Variants in EPB41L5 observed in about 807,000 individuals in gnomAD.
EPB41L5 encodes erythrocyte membrane protein band 4.1 like 5.
A neutral mutation model predicts 106.6 loss-of-function variants in EPB41L5; 55 were observed. The ratio of observed to expected loss-of-function variants is 0.52; its 90% confidence interval spans 0.42 to 0.65. The LOEUF is 0.65. Ranked by LOEUF, EPB41L5 falls within the 30% of genes least tolerant of loss-of-function variation. EPB41L5 has a pLI of 0.00. For missense variants in EPB41L5, 871 were observed against 882.1 expected, an observed-to-expected ratio of 0.99 and a Z score of 0.16; for synonymous variants, 297 against 306.7, an observed-to-expected ratio of 0.97 and a Z score of 0.33.
intron 2 of EPB41L5, among the ~76,000 whole-genome samples, chr2:120,027,592 A>G (rs755028385): frequency 6.6e-5 from 10 of 152,042 alleles, no homozygotes; most frequent in Admixed American, 6.6e-4. Context: ...TTTTTTAGGG[A>G]TGGTGTCTTG....
chr2:120,056,978 C>T (rs1680697771), intron 3 of EPB41L5, among the ~76,000 whole-genome samples: 1 of 152,124 alleles, frequency 6.6e-6, no homozygotes, highest in Non-Finnish European at 1.5e-5. Flanking sequence ...CTCACTGCGG[C>T]CTCAACCTCC....
At chr2:120,020,643 A>G (rs1243040480) in intron 2 of EPB41L5, among the ~76,000 whole-genome samples, 1 of 152,176 alleles carries the variant, frequency 6.6e-6, no homozygotes, top group Non-Finnish European at 1.5e-5. Flanking sequence ...CTTATTTGAT[A>G]GGAATCTTAA....
chr2:120,106,444 TTAAA>T, intron 16 of EPB41L5: 1 of 985,296 alleles, frequency 1.0e-6, no homozygotes, highest in Non-Finnish European at 1.2e-6. Context: ...TCAACCTAAA[TTAAA>T]TAAATTGTCA....
rs527948926 is a variant in EPB41L5, at chr2:120,041,056, A to C, written c.181-950A>C. On this transcript the variant is annotated intron_variant, in intron 2 of 24. Transcript: ENST00000263713. ...CAGTATTAGAAATTAAAACTGAAAA[A>C]ATTTTAAGTATTTATTAACTGATTA... 2.0e-5 allele frequency among the ~76,000 whole-genome samples: 3 copies of C among 152,256 alleles called. No homozygotes were observed. In the South Asian group the frequency reaches 6.2e-4, roughly 32 times the overall value.
intron 16 of EPB41L5, chr2:120,104,692 G>C (rs1684346826): frequency 1.0e-6 from 1 of 977,696 alleles, no homozygotes; most frequent in Non-Finnish European, 1.2e-6. Context: ...TTAAAAACTT[G>C]TTCTTATACA....
At chr2:120,056,658 G>A (rs960648552) in intron 3 of EPB41L5, among the ~76,000 whole-genome samples, 7 of 129,420 alleles carry the variant, frequency 5.4e-5, no homozygotes, top group Admixed American at 2.7e-4. Flanking sequence ...ATATTAGTCT[G>A]TAGTTTTCTT....
intron 16 of EPB41L5, among the ~76,000 whole-genome samples, chr2:120,123,145 GT>G (rs1353606754): frequency 6.6e-6 from 1 of 151,588 alleles, no homozygotes; most frequent in African/African-American, 2.4e-5. Flanking sequence ...TGCAGACAAA[GT>G]TTTGTTTTTT....
At chr2:120,024,537 A>G (rs530514446) in intron 2 of EPB41L5, among the ~76,000 whole-genome samples, 1 of 152,120 alleles carries the variant, frequency 6.6e-6, no homozygotes, top group African/African-American at 2.4e-5. Context: ...GCTCACTGCA[A>G]GCTCTGCCTC....
In EPB41L5 at chr2:120,078,595, A is replaced by G; in HGVS notation, c.803+14A>G. 1 of 1,541,362 alleles carries G rather than the reference A, an allele frequency of 6.5e-7. No homozygotes were observed. Among genetic ancestry groups the G allele is most frequent in the Non-Finnish European group, 8.9e-7 (1 of 1,120,084 alleles). ...CTTATTTTTTTGGTAAGCAAGAGTT[A>G]TTGTCAAAGATACTTACTGTTGTTT... On this transcript the variant is annotated intron_variant, in intron 10 of 24. Coordinates refer to ENST00000263713, the MANE Select transcript of EPB41L5 (RefSeq NM_020909.4).
intron 20 of EPB41L5, among the ~76,000 whole-genome samples, chr2:120,154,151 G>T (rs1347638882): frequency 2.0e-5 from 3 of 146,756 alleles, no homozygotes; most frequent in Non-Finnish European, 3.0e-5. Flanking sequence ...TTCCCTATAT[G>T]TATTTATTTA....
chr2:120,018,977 T>C (rs894811467), intron 1 of EPB41L5, 100 bp from the exon 2 acceptor site: 3 of 1,041,492 alleles, frequency 2.9e-6, no homozygotes, highest in African/African-American at 3.2e-5. Context: ...TTTCTACTAA[T>C]GTTCACAGGA....
intron 20 of EPB41L5, among the ~76,000 whole-genome samples, chr2:120,153,303 A>G (rs1203185213): frequency 2.0e-5 from 3 of 151,940 alleles, no homozygotes; most frequent in African/African-American, 7.3e-5. Context: ...CAGTTTTCCA[A>G]TTAAGTTATT....
rs966846986 is a variant in EPB41L5 at position 120,079,369 on chromosome 2, C to T, written c.803+788C>T. Among the ~76,000 whole-genome samples the T allele has an allele frequency of 1.1e-3, 163 of 152,262 alleles. 1 individual carries two copies. Among genetic ancestry groups the T allele is most frequent in the Non-Finnish European group, 2.2e-4 (15 of 68,006 alleles). On this transcript the variant is annotated intron_variant, in intron 10 of 24. Transcript: ENST00000263713. ...AAGGCAAGCTCTGTAGATTAAAGGA[C>T]CCCAAAACCACTGCTGCCTTTCTGA...
Position 120,143,016 on chromosome 2 carries a change from A to C in EPB41L5, c.1613A>C (p.Lys538Thr), listed in dbSNP as rs1421421654. Residue 538 changes from lysine (K) to threonine (T), a missense_variant, in exon 19 of 25, where the codon AAG becomes ACG. Transcript: ENST00000263713. ...VNINSQEEVV[K>T]LTEKCLNNVI... ...TAAAATATCTAGGAGGAAGTGGTGA[A>C]GTTGACTGAGAAATGCCTTAATAAT... 3.1e-6 allele frequency: 5 copies of C among 1,612,354 alleles called. No homozygotes were observed. The highest frequency in any genetic ancestry group is 1.3e-5 in the African/African-American group (1 of 74,832).
intron 14 of EPB41L5, among the ~76,000 whole-genome samples, 179 bp downstream of exon 14, chr2:120,093,455 G>A (rs1342915051): frequency 2.6e-5 from 4 of 152,198 alleles, no homozygotes; most frequent in African/African-American, 9.7e-5. Flanking sequence ...AAAAATTAAA[G>A]CAGTTTAAGG....
chr2:120,118,120 C>G (rs1243034931), intron 16 of EPB41L5, among the ~76,000 whole-genome samples: 1 of 152,166 alleles, frequency 6.6e-6, no homozygotes, highest in Admixed American at 6.5e-5. Context: ...ATCCTTGCCT[C>G]CAGCACTGTA....
intron 24 of EPB41L5, among the ~76,000 whole-genome samples, chr2:120,170,646 C>T (rs2105570763): frequency 6.6e-6 from 1 of 152,336 alleles, no homozygotes; most frequent in Admixed American, 6.5e-5. Flanking sequence ...ACAGAAATAA[C>T]ATCCTTTTAC....
intron 7 of EPB41L5, among the ~76,000 whole-genome samples, chr2:120,076,248 A>T (rs1456020164): frequency 1.3e-5 from 2 of 152,014 alleles, no homozygotes; most frequent in East Asian, 3.8e-4. Context: ...AAAATTTTGG[A>T]AGACAGGGAC....
Position 120,064,080 on chromosome 2 carries a change from A to G in EPB41L5, c.286-9098A>G, listed in dbSNP as rs184237633. Among the ~76,000 whole-genome samples, 108 of 152,354 alleles carry G rather than the reference A, an allele frequency of 7.1e-4. 1 individual carries two copies. The highest frequency in any genetic ancestry group is 1.4e-3 in the Non-Finnish European group (92 of 68,024). ...TATAATACAGACTGTTAACTCAAAA[A>G]AAGTAGTCACTCAGGAAGTTTATAG... On this transcript the variant is annotated intron_variant, in intron 3 of 24. Coordinates refer to ENST00000263713, the MANE Select transcript of EPB41L5 (RefSeq NM_020909.4).
Sources: allele counts gnomAD v4.1 joint callset (sites outside exome capture counted in the v4.1 genomes callset), GRCh38; gene constraint gnomAD v4.1.1; transcripts MANE v1.5; gene names NCBI Gene and HGNC (gene_info 2026-07-23, HGNC 2026-07-21).